Variants in SCRIB observed in about 807,000 individuals in gnomAD.
The protein encoded by SCRIB is scribble planar cell polarity protein.
Under a neutral mutation model 170.0 loss-of-function variants are expected in SCRIB, and 72 were observed. That is an observed-to-expected ratio of 0.42 (90% CI 0.35 to 0.52). SCRIB has a LOEUF of 0.52. Ranked by LOEUF, SCRIB falls within the 20% of genes least tolerant of loss-of-function variation. The pLI is 0.02. For missense variants in SCRIB, 2,475 were observed against 2,338.5 expected, an observed-to-expected ratio of 1.06 and a Z score of -1.20; for synonymous variants, 1,298 against 1,044.3, an observed-to-expected ratio of 1.24 and a Z score of -4.68.
chr8:143,793,503 G>C, intron 28 of SCRIB: 1 of 298,142 alleles, frequency 3.4e-6, no homozygotes, highest in Admixed American at 4.7e-5. Flanking sequence ...CTGGGGCTGG[G>C]TCTCATGGGG....
rs758433300 is a variant in SCRIB, at chr8:143,815,204, G to A, written c.159+10C>T. 9 of 1,559,990 alleles carry A rather than the reference G, an allele frequency of 5.8e-6. 1 individual carries two copies. The African/African-American group carries it at 7.0e-5, about 12-fold the overall frequency. On this transcript the variant is annotated intron_variant, in intron 1 of 36. Transcript: ENST00000356994. ...GCGCCTTTGGGCGGCAGGTGCGGGC[G>A]GCCGCTCACCTTGGGCAGCTCGCGC...
In SCRIB at chr8:143,809,086, C is replaced by T. The variant is rs1164174822; in HGVS notation, c.1699-61G>A. On this transcript the variant is annotated intron_variant, in intron 14 of 36. Coordinates refer to ENST00000356994, the MANE Select transcript of SCRIB (RefSeq NM_182706.5). ...TGTGGCTGTGCTTCCACAGGAAGAC[C>T]CTACTAAACAGTGTGGCCACAGACG... The T allele has an allele frequency of 7.1e-6, 11 of 1,541,412 alleles. No individual in the cohort carries two copies. The South Asian group carries it at 1.4e-4, about 19-fold the overall frequency.
At chr8:143,797,873 G>A (rs1012861106) in intron 24 of SCRIB, among the ~76,000 whole-genome samples, 13 of 152,256 alleles carry the variant, frequency 8.5e-5, no homozygotes, top group Non-Finnish European at 1.6e-4. Context: ...CGCAGTGGGT[G>A]AGCCATGAAT....
chr8:143,794,529 C>G (rs73715503), intron 27 of SCRIB, among the ~76,000 whole-genome samples: 18,005 of 152,170 alleles, frequency 0.12, 1,472 homozygotes, highest in East Asian at 0.34. Flanking sequence ...CCTGCAGGAG[C>G]CACCCCTCGG....
In SCRIB at chr8:143,805,300, G is replaced by A. The variant is rs377089737; in HGVS notation, c.2482C>T (p.Leu828=). 128 of 1,547,958 alleles carry A rather than the reference G, an allele frequency of 8.3e-5. No homozygotes were observed. In the African/African-American group the frequency reaches 1.5e-3, roughly 18 times the overall value. The change falls in exon 19 of 37, where the codon CTG becomes TTG. Residue 828 remains leucine (L), a synonymous_variant. Transcript: ENST00000356994. ...EPENAVTITP[L]RPEDDYSPRE... ...GGGCTGTAATCATCCTCGGGCCGCA[G>A]CGGCGTGATGGTGACCGCGTTCTCA... is the stretch of plus-strand genomic sequence containing the variant.
At position 143,806,476 on chromosome 8, in the gene SCRIB, G is replaced by A. The variant is rs1303795787; in HGVS notation, c.2277C>T (p.Phe759=). 7 of 1,596,190 alleles carry A rather than the reference G, an allele frequency of 4.4e-6. No individual in the cohort carries two copies. The highest frequency in any genetic ancestry group is 2.7e-5 in the African/African-American group (2 of 74,488). Residue 759 remains phenylalanine (F), a synonymous_variant, in exon 18 of 37, where the codon TTC becomes TTT. Transcript: ENST00000356994. ...TPYKGDDEGI[F]ISRVSEEGPA... ...GGCCTTCCTCGGACACCCGAGAGAT[G>A]AATATGCCCTAGGGCACAGACACGA...
At chr8:143,798,720 T>C (rs782281560) in intron 24 of SCRIB, among the ~76,000 whole-genome samples, 3 of 152,114 alleles carry the variant, frequency 2.0e-5, no homozygotes, top group Non-Finnish European at 2.9e-5. Context: ...TCAGGATTTG[T>C]TCTCTTTCTG....
intron 28 of SCRIB, 193 bp from the exon 29 acceptor site, chr8:143,793,276 C>T (rs1814789538): frequency 4.2e-6 from 2 of 470,902 alleles, no homozygotes; most frequent in Admixed American, 4.0e-5. Flanking sequence ...ACAACCTCTG[C>T]CCCTGGGGGC....
Position 143,793,063 on chromosome 8 carries a change from C to A in SCRIB, c.3930G>T (p.Pro1310=). Residue 1310 remains proline (P), a synonymous_variant, in exon 29 of 37, where the codon CCG becomes CCT. Transcript: ENST00000356994. ...SGQQPPSPPS[P]DELPANVKQA... Reference sequence around the variant, plus strand: ...GCTTCACATTGGCGGGCAGCTCATCCGGAGAAGGCGGGGAGGGCGGCTGGG... The same window carrying A: ...GCTTCACATTGGCGGGCAGCTCATCAGGAGAAGGCGGGGAGGGCGGCTGGG... The A allele has an allele frequency of 6.8e-7, 1 of 1,466,464 alleles. No individual in the cohort carries two copies. Among genetic ancestry groups the A allele is most frequent in the Non-Finnish European group, 9.0e-7 (1 of 1,105,134 alleles). 90.8% of individuals were successfully genotyped at this position (1,466,464 alleles called of 1,614,324 possible).
At chr8:143,797,093 G>A (rs1386582786) in intron 24 of SCRIB, among the ~76,000 whole-genome samples, 2 of 152,138 alleles carry the variant, frequency 1.3e-5, no homozygotes, top group African/African-American at 4.8e-5. Context: ...AGAGAAAGGG[G>A]CAACTCCAGG....
intron 21 of SCRIB, 114 bp from the exon 22 acceptor site, chr8:143,804,270 A>C: frequency 5.0e-6 from 4 of 797,356 alleles, no homozygotes; most frequent in Non-Finnish European, 5.9e-6. Flanking sequence ...GGCTGCCCTA[A>C]TGCCCACGGG....
At chr8:143,810,070 G>A (rs1815635875) in intron 13 of SCRIB, among the ~76,000 whole-genome samples, 1 of 152,066 alleles carries the variant, frequency 6.6e-6, no homozygotes, top group South Asian at 2.1e-4. Context: ...CACTGGTTCT[G>A]CTGCACCCAA....
chr8:143,791,496 G>C lies in SCRIB; in HGVS notation c.4771-56C>G, dbSNP rs9314416. 1,485,843 of 1,598,694 alleles carry C rather than the reference G, an allele frequency of 0.93. 690,787 individuals carry two copies. Among genetic ancestry groups the C allele is most frequent in the East Asian group, 0.98 (42,828 of 43,806 alleles). On this transcript the variant is annotated intron_variant, in intron 35 of 36. Transcript: ENST00000356994. ...TGCCAGCCCTGCCCCAAACCACCCA[G>C]GTGGACGGGTGGGCTCCCAGCCCTG... is the stretch of plus-strand genomic sequence containing the variant.
At chr8:143,812,050 C>T (rs1379837040) in intron 9 of SCRIB, among the ~76,000 whole-genome samples, 2 of 152,186 alleles carry the variant, frequency 1.3e-5, no homozygotes, top group Non-Finnish European at 2.9e-5. Flanking sequence ...GACCTAGATT[C>T]TTCACGGTAA....
At chr8:143,800,096 G>C (rs1815113324) in intron 24 of SCRIB, among the ~76,000 whole-genome samples, 1 of 143,182 alleles carries the variant, frequency 7.0e-6, no homozygotes, top group South Asian at 2.2e-4. Context: ...CACCGGCCTG[G>C]CCGTGCCACG....
Position 143,808,667 on chromosome 8 carries a change from T to A in SCRIB, c.2057A>T (p.Glu686Val). 1.3e-6 allele frequency: 2 copies of A among 1,535,086 alleles called. No homozygotes were observed. Among genetic ancestry groups the A allele is most frequent in the Non-Finnish European group, 1.7e-6 (2 of 1,143,838 alleles). Reference sequence around the variant, plus strand: ...CTTGTCCTCCTCCTCAGTGCTGGCCTCTTCCTCTTCAGCCCTGTTTTCCTC... The same window carrying A: ...CTTGTCCTCCTCCTCAGTGCTGGCCACTTCCTCTTCAGCCCTGTTTTCCTC... Reference protein sequence around the residue: ...EEEENRAEEEEASTEEEDKEG... With the variant: ...EEEENRAEEEVASTEEEDKEG... Residue 686 changes from glutamate (E) to valine (V), a missense_variant, in exon 15 of 37, where the codon GAG becomes GTG. Coordinates refer to ENST00000356994, the MANE Select transcript of SCRIB (RefSeq NM_182706.5).
chr8:143,808,458 G>T lies in SCRIB; in HGVS notation c.2115+151C>A, dbSNP rs919936965. ...GGCCTGGGGTCTGGTGAGAGTGGCC[G>T]TGATGCCGACTGTGGAGCACACGTG... On this transcript the variant is annotated intron_variant, in intron 15 of 36. Transcript: ENST00000356994. The T allele has an allele frequency of 4.4e-6, 4 of 906,468 alleles. No individual in the cohort carries two copies. The African/African-American group carries it at 6.8e-5, about 15-fold the overall frequency. The allele number at this position is 906,468 out of a possible 1,614,324, so 56.2% of individuals were successfully genotyped here.
At chr8:143,804,185 G>C (rs1554635788) in intron 21 of SCRIB, 29 bp from the exon 22 acceptor site, 1 of 1,521,582 alleles carries the variant, frequency 6.6e-7, no homozygotes, top group Non-Finnish European at 9.0e-7. Flanking sequence ...ACAAGGACAG[G>C]CCTCGGTCAG....
chr8:143,808,895 T>C lies in SCRIB; in HGVS notation c.1829A>G (p.Tyr610Cys). ...CTTGGAGATCTTGAAGTGCTTTTTG[T>C]AGTGAGGTGTGTCCTTGCGGATGAG... ...QRLIRKDTPH[Y>C]KKHFKISKLP... The change falls in exon 15 of 37, where the codon TAC becomes TGC. Residue 610 changes from tyrosine to cysteine, a missense_variant. Tyr to Cys is a radical substitution (Grantham distance 194). Coordinates refer to ENST00000356994, the MANE Select transcript of SCRIB (RefSeq NM_182706.5). 6.2e-7 allele frequency: 1 copy of C among 1,610,070 alleles called. No homozygotes were observed. Among genetic ancestry groups the C allele is most frequent in the Non-Finnish European group, 8.5e-7 (1 of 1,179,950 alleles).
Sources: allele counts gnomAD v4.1 joint callset (sites outside exome capture counted in the v4.1 genomes callset), GRCh38; gene constraint gnomAD v4.1.1; transcripts MANE v1.5; gene names NCBI Gene and HGNC (gene_info 2026-07-23, HGNC 2026-07-21).